DDX60: variants seen among roughly 807,000 people sequenced by gnomAD.
DDX60 encodes DExD/H-box helicase 60.
DDX60 carries 165 observed loss-of-function variants against 212.8 expected under a neutral mutation model. That is an observed-to-expected ratio of 0.78 (90% CI 0.68 to 0.88). DDX60 has a LOEUF of 0.88. DDX60 is among the 40% of genes least tolerant of loss of function. DDX60 has a pLI of 0.00. For synonymous variants in DDX60, 703 were observed against 685.3 expected (o/e 1.03, Z -0.40); for missense variants, 1,905 against 2,003.9 (o/e 0.95, Z 0.94).
intron 8 of DDX60, among the ~76,000 whole-genome samples, 154 bp downstream of exon 8, chr4:168,291,594 G>A (rs1456848239): frequency 6.6e-6 from 1 of 152,216 alleles, no homozygotes. Context: ...AAACATAGAT[G>A]CTGAAATTGG....
At position 168,267,821 on chromosome 4, in the gene DDX60, T is replaced by C; in HGVS notation, c.2929+20A>G. 6.3e-7 allele frequency: 1 copy of C among 1,588,934 alleles called. No individual in the cohort carries two copies. On this transcript the variant is annotated intron_variant, in intron 21 of 37. Coordinates refer to ENST00000393743, the MANE Select transcript of DDX60 (RefSeq NM_017631.6). Reference sequence around the variant, plus strand: ...ATAATAAAATAAAAGGCAAGCTTTATATAAATATATCAAACATACCAAGTC... The same window carrying C: ...ATAATAAAATAAAAGGCAAGCTTTACATAAATATATCAAACATACCAAGTC...
intron 9 of DDX60, among the ~76,000 whole-genome samples, chr4:168,287,615 A>G (rs1386043732): frequency 6.6e-6 from 1 of 152,164 alleles, no homozygotes; most frequent in Non-Finnish European, 1.5e-5. Context: ...AATGATTACA[A>G]CATGAAGGAA....
rs1733680727 is a variant in DDX60, at chr4:168,237,763, G to A, written c.4197C>T (p.Ser1399=). 6.2e-7 allele frequency: 1 copy of A among 1,611,610 alleles called. No homozygotes were observed. Among genetic ancestry groups the A allele is most frequent in the Non-Finnish European group, 8.5e-7 (1 of 1,178,752 alleles). ...TGTCCATGACTCTGGGTTGCTTGAAGGACAGCAATGAATGCTTTAGCACTG... is the reference window on the plus strand; with the variant it reads ...TGTCCATGACTCTGGGTTGCTTGAAAGACAGCAATGAATGCTTTAGCACTG... ...VLSVLKHSLL[S]FKQPRVMDML... Residue 1399 remains serine (S), a synonymous_variant, in exon 31 of 38, where the codon TCC becomes TCT. Coordinates refer to ENST00000393743, the MANE Select transcript of DDX60 (RefSeq NM_017631.6).
rs141618595 is a variant in DDX60, at chr4:168,246,460, C to A, written c.4122G>T (p.Leu1374=). ...LSITLVLRLM[L]LASKGDDPED... is the part of the protein sequence containing the mutation. ...CTGGGTCATCTCCCTTGGAAGCCAG[C>A]AGCATGAGTCGCAGGACCAGGGTTA... Residue 1374 remains leucine, a synonymous_variant, in exon 30 of 38, where the codon CTG becomes CTT. Transcript: ENST00000393743. 6.2e-7 allele frequency: 1 copy of A among 1,613,902 alleles called. No homozygotes were observed. Among genetic ancestry groups the A allele is most frequent in the Admixed American group, 1.7e-5 (1 of 59,978 alleles).
chr4:168,316,815 TG>T lies in DDX60; in HGVS notation c.-107+1806del, dbSNP rs1737402995. Among the ~76,000 whole-genome samples, 7 of 151,070 alleles carry T rather than the reference TG, an allele frequency of 4.6e-5. No homozygotes were observed. The South Asian group carries it at 1.5e-3, about 32-fold the overall frequency. On this transcript the variant is annotated intron_variant, in intron 1 of 37. Coordinates refer to ENST00000393743, the MANE Select transcript of DDX60 (RefSeq NM_017631.6). ...CCAAAAAAAAAAGAAACCCAAAACT[TG>T]GGAGGCCAAGGCGGGCAGATCACCT...
intron 35 of DDX60, 27 bp downstream of exon 35, chr4:168,224,216 T>G (rs1207768979): frequency 6.2e-7 from 1 of 1,610,846 alleles, no homozygotes; most frequent in South Asian, 1.1e-5. Context: ...AAACAGCTTT[T>G]ATTAATAAAC....
chr4:168,224,627 C>A (rs186571009), intron 34 of DDX60, among the ~76,000 whole-genome samples: 19 of 151,856 alleles, frequency 1.3e-4, no homozygotes, highest in African/African-American at 3.1e-4. Flanking sequence ...ATTTTAGTTG[C>A]CTTAATCAAT....
intron 10 of DDX60, among the ~76,000 whole-genome samples, chr4:168,285,805 A>G (rs1307040855): frequency 6.7e-6 from 1 of 150,064 alleles, no homozygotes; most frequent in Non-Finnish European, 1.5e-5. Context: ...GTATGCATGG[A>G]TGGGTGGATG....
Position 168,276,026 on chromosome 4 carries a change from G to A in DDX60, c.2134C>T (p.His712Tyr). Residue 712 changes from histidine to tyrosine, a missense_variant, in exon 15 of 38, where the codon CAT becomes TAT. By Grantham distance (83) the His-to-Tyr change is moderately conservative (BLOSUM62 2). Coordinates refer to ENST00000393743, the MANE Select transcript of DDX60 (RefSeq NM_017631.6). ...LGFDELASSL[H>Y]PAQDAENDVK... ...TCTGATAATATTACCTGGGCTGGATGTAAAGAACTTGCCAACTCATCAAAT... is the reference window on the plus strand; with the variant it reads ...TCTGATAATATTACCTGGGCTGGATATAAAGAACTTGCCAACTCATCAAAT... 1 of 1,611,030 alleles carries A rather than the reference G, an allele frequency of 6.2e-7. No individual in the cohort carries two copies. The highest frequency in any genetic ancestry group is 8.5e-7 in the Non-Finnish European group (1 of 1,178,136).
chr4:168,291,562 C>T (rs887908104), intron 8 of DDX60, among the ~76,000 whole-genome samples, 186 bp downstream of exon 8: 2 of 152,180 alleles, frequency 1.3e-5, no homozygotes, highest in Non-Finnish European at 2.9e-5. Flanking sequence ...AGATATATAT[C>T]ATGCTATTTG....
chr4:168,253,299 T>C (rs1250264934), intron 26 of DDX60, among the ~76,000 whole-genome samples: 1 of 152,184 alleles, frequency 6.6e-6, no homozygotes, highest in African/African-American at 2.4e-5. Flanking sequence ...ATGATCATTT[T>C]CTCTTCCTCG....
At chr4:168,271,881 C>CA in intron 19 of DDX60, among the ~76,000 whole-genome samples, 162 bp downstream of exon 19, 1 of 151,074 alleles carries the variant, frequency 6.6e-6, no homozygotes, top group African/African-American at 2.4e-5. Context: ...AAAAGGGAGC[C>CA]AAAAAAGTGA....
rs746559865 is a variant in DDX60, at chr4:168,273,354, C to T, written c.2499G>A (p.Thr833=). 23 of 1,613,698 alleles carry T rather than the reference C, an allele frequency of 1.4e-5. No individual in the cohort carries two copies. Among genetic ancestry groups the T allele is most frequent in the South Asian group, 3.3e-5 (3 of 91,060 alleles). Residue 833 remains threonine, a synonymous_variant, in exon 18 of 38, where the codon ACG becomes ACA. Transcript: ENST00000393743. ...GAACTTCACCACTTGGCAGATTTTT[C>T]GTAAAACGATTCTGAACAGTTGCTG... ...QVAATVQNRF[T]KNLPSGEVLC...
intron 22 of DDX60, among the ~76,000 whole-genome samples, chr4:168,266,238 G>C (rs940516129): frequency 5.9e-5 from 9 of 152,212 alleles, no homozygotes; most frequent in Non-Finnish European, 1.3e-4. Flanking sequence ...TCATAAGATT[G>C]TTGTAATGGT....
intron 14 of DDX60, among the ~76,000 whole-genome samples, chr4:168,277,640 A>T (rs916677291): frequency 6.6e-6 from 1 of 151,790 alleles, no homozygotes; most frequent in Admixed American, 6.6e-5. Flanking sequence ...GATGGAGACC[A>T]TCCTGGCTAA....
intron 6 of DDX60, among the ~76,000 whole-genome samples, chr4:168,298,098 T>C (rs989391817): frequency 4.6e-5 from 7 of 151,876 alleles, no homozygotes; most frequent in Admixed American, 3.9e-4. Flanking sequence ...ATAAAAATGG[T>C]ACAGCATGGT....
chr4:168,297,391 A>C (rs1736447750), intron 6 of DDX60, among the ~76,000 whole-genome samples: 1 of 123,936 alleles, frequency 8.1e-6, no homozygotes, highest in Non-Finnish European at 1.7e-5. Flanking sequence ...AGAGAAAGAA[A>C]GAAAGAAAGA....
chr4:168,312,941 G>C (rs1254518048), intron 1 of DDX60, among the ~76,000 whole-genome samples: 2 of 152,114 alleles, frequency 1.3e-5, no homozygotes, highest in African/African-American at 4.8e-5. Context: ...GCGTAAGTAT[G>C]GTCTCTCACT....
intron 33 of DDX60, among the ~76,000 whole-genome samples, chr4:168,229,791 A>T (rs1161750368): frequency 6.6e-6 from 1 of 152,114 alleles, no homozygotes; most frequent in Non-Finnish European, 1.5e-5. Context: ...AGACCTATAA[A>T]ATAATAGCAC....
Sources: allele counts gnomAD v4.1 joint callset (sites outside exome capture counted in the v4.1 genomes callset), GRCh38; gene constraint gnomAD v4.1.1; transcripts MANE v1.5; gene names NCBI Gene and HGNC (gene_info 2026-07-23, HGNC 2026-07-21).